Variants in ACHE observed in about 807,000 individuals in gnomAD.
The protein encoded by ACHE is acetylcholinesterase (Yt blood group).
Under a neutral mutation model 53.9 loss-of-function variants are expected in ACHE, and 19 were observed. The observed-to-expected ratio is 0.35, with a 90% CI of 0.25 to 0.52. The LOEUF (loss-of-function observed/expected upper bound fraction) is 0.52. Among genes scored for constraint, ACHE ranks in the 20% least tolerant of loss-of-function variants. The pLI, the probability that ACHE is intolerant of heterozygous loss-of-function variation, is 0.95. For synonymous variants in ACHE, 392 were observed against 378.1 expected, an observed-to-expected ratio of 1.04 and a Z score of -0.43; for missense variants, 605 against 849.4, an observed-to-expected ratio of 0.71 and a Z score of 3.58.
Position 100,893,744 on chromosome 7 carries a change from C to T in ACHE, c.489G>A (p.Val163=), listed in dbSNP as rs1790842423. 5.0e-6 allele frequency: 8 copies of T among 1,613,740 alleles called. No individual in the cohort carries two copies. Among genetic ancestry groups the T allele is most frequent in the Non-Finnish European group, 6.8e-6 (8 of 1,180,034 alleles). ...CCTGTACCAAGAAGCGGCCATCGTA[C>T]ACGTCCAAGGAGGAGGCCCCACTGT... is the stretch of plus-strand genomic sequence containing the variant. ...GFYSGASSLD[V]YDGRFLVQAE... The change falls in exon 2 of 5, where the codon GTG becomes GTA. Residue 163 remains valine (V), a synonymous_variant. Coordinates refer to ENST00000241069, the MANE Select transcript of ACHE (RefSeq NM_000665.5).
chr7:100,890,925 G>A, intron 4 of ACHE: 1 of 1,473,874 alleles, frequency 6.8e-7, no homozygotes, highest in South Asian at 1.4e-5. Context: ...ATTAGAGGAG[G>A]GGCCCCTGTG....
upstream of ACHE, chr7:100,896,604 G>A (rs867016997): frequency 7.5e-6 from 2 of 266,714 alleles, no homozygotes; most frequent in Non-Finnish European, 1.6e-5. Flanking sequence ...GGGCGAGGCC[G>A]CACTCCGCGG....
Position 100,894,015 on chromosome 7 carries a change from A to G in ACHE, c.218T>C (p.Met73Thr), listed in dbSNP as rs1323961797. Residue 73 changes from methionine to threonine, a missense_variant, in exon 2 of 5, where the codon ATG (methionine) becomes ACG (threonine). Physicochemically the swap from Met to Thr is moderately conservative, Grantham distance 81. Coordinates refer to ENST00000241069, the MANE Select transcript of ACHE (RefSeq NM_000665.5). ...FLGIPFAEPP[M>T]GPRRFLPPEP... Reference sequence around the variant, plus strand: ...CGGTGGCAGAAAGCGACGGGGTCCCATGGGTGGCTCCGCAAAGGGGATGCC... The same window carrying G: ...CGGTGGCAGAAAGCGACGGGGTCCCGTGGGTGGCTCCGCAAAGGGGATGCC... 1 of 1,610,714 alleles carries G rather than the reference A, an allele frequency of 6.2e-7. No individual in the cohort carries two copies. The highest frequency in any genetic ancestry group is 1.7e-5 in the Admixed American group (1 of 59,306).
rs996025985 is a variant in ACHE at position 100,892,788 on chromosome 7, A to G, written c.1099T>C (p.Ser367Pro). The change falls in exon 3 of 5, where the codon TCG (serine) becomes CCG (proline). Residue 367 changes from serine (S) to proline (P), a missense_variant. This residue lies in a region of ACHE where 397 missense variants were observed against 632.5 expected (regional missense o/e 0.63). Transcript: ENST00000241069. This position sits in a 1 kb window ranked among gnomAD's most constrained non-coding sequence, Gnocchi z 5.2. ...GGGGCCCCGTAAACCAGAAAATACG[A>G]GCCCTCATCCTTCACCACACCCACC... ...VLVGVVKDEG[S>P]YFLVYGAPGF... is the part of the protein sequence containing the mutation. The G allele has an allele frequency of 6.3e-7, 1 of 1,597,338 alleles. No homozygotes were observed. The highest frequency in any genetic ancestry group is 1.3e-5 in the African/African-American group (1 of 74,786).
intron 3 of ACHE, 51 bp from the exon 4 acceptor site, chr7:100,891,389 C>T (rs773094927): frequency 4.8e-5 from 71 of 1,475,866 alleles, no homozygotes; most frequent in Non-Finnish European, 5.6e-5. Context: ...GAGGAGGTGG[C>T]CCCCAACTCC....
chr7:100,893,530 C>T lies in ACHE; in HGVS notation c.703G>A (p.Ala235Thr), dbSNP rs765718944. The stretch of plus-strand genomic sequence containing the variant: ...TGCATGCCCACCGAGGCGGCTCCCG[C>T]GCTCTCCCCAAACAGCGTCACTGAT... ...PTSVTLFGES[A>T]GAASVGMHLL... The change falls in exon 2 of 5, where the codon GCG (alanine) becomes ACG (threonine). Residue 235 changes from alanine (A) to threonine (T), a missense_variant. Physicochemically the swap from Ala to Thr is moderately conservative, Grantham distance 58. This residue lies in a region of ACHE where 397 missense variants were observed against 632.5 expected (regional missense o/e 0.63). Transcript: ENST00000241069. The T allele has an allele frequency of 1.2e-6, 2 of 1,610,134 alleles. No individual in the cohort carries two copies. Among genetic ancestry groups the T allele is most frequent in the South Asian group, 1.1e-5 (1 of 91,076 alleles).
intron 3 of ACHE, 137 bp from the exon 4 acceptor site, chr7:100,891,475 G>T (rs1003155208): frequency 3.0e-5 from 25 of 841,388 alleles, no homozygotes; most frequent in Non-Finnish European, 3.9e-5. Flanking sequence ...TTTCTCCAAT[G>T]TGCGCGGTCA....
At chr7:100,890,844 C>G (rs1489366366) in intron 4 of ACHE, 1 of 1,425,414 alleles carries the variant, frequency 7.0e-7, no homozygotes, top group African/African-American at 1.4e-5. Context: ...GTGAGTCTCT[C>G]GGTTTGAGGA....
chr7:100,893,912 T>C lies in ACHE; in HGVS notation c.321A>G (p.Leu107=). ...TCTCGGTGCCCTCAAAACCTGGGTA[T>C]AGGGTGTCCACATATTGGTAGCAGA... ...QSVCYQYVDT[L]YPGFEGTEMW... is the part of the protein sequence containing the mutation. Residue 107 remains leucine, a synonymous_variant, in exon 2 of 5, where the codon CTA becomes CTG. Transcript: ENST00000241069. 6.3e-7 allele frequency: 1 copy of C among 1,598,952 alleles called. No individual in the cohort carries two copies. The highest frequency in any genetic ancestry group is 8.5e-7 in the Non-Finnish European group (1 of 1,170,538).
intron 4 of ACHE, 135 bp downstream of exon 4, chr7:100,891,034 C>G (rs1373378468): frequency 6.9e-7 from 1 of 1,457,536 alleles, no homozygotes; most frequent in South Asian, 1.4e-5. Context: ...GAGGCCGGGC[C>G]TCGGAGCAGC....
At chr7:100,894,927 C>A (rs905403406) in intron 1 of ACHE, among the ~76,000 whole-genome samples, 4 of 152,146 alleles carry the variant, frequency 2.6e-5, no homozygotes, top group Non-Finnish European at 5.9e-5. Context: ...GAGAGCCCCC[C>A]ATCCGTCTGA....
chr7:100,892,957 G>A lies in ACHE; in HGVS notation c.1069-139C>T. 5 of 1,271,750 alleles carry A rather than the reference G, an allele frequency of 3.9e-6. No individual in the cohort carries two copies. The highest frequency in any genetic ancestry group is 5.3e-6 in the Non-Finnish European group (5 of 943,798). The allele number at this position is 1,271,750 out of a possible 1,614,324, so 78.8% of individuals were successfully genotyped here. On this transcript the variant is annotated intron_variant, in intron 2 of 4. Coordinates refer to ENST00000241069, the MANE Select transcript of ACHE (RefSeq NM_000665.5). The surrounding 1 kb of genome is among the most constrained non-coding windows in gnomAD (Gnocchi z 5.2). ...CATGGACAGAGAGAGGACGAGATCA[G>A]GGGAGGGATGCAGAGAAAGAGAAAA...
intron 1 of ACHE, 158 bp from the exon 2 acceptor site, chr7:100,894,410 G>C: frequency 2.0e-6 from 1 of 494,168 alleles, no homozygotes; most frequent in South Asian, 4.2e-5. Context: ...GAAGGAGACA[G>C]GCAGAGACAA....
At position 100,895,035 on chromosome 7, in the gene ACHE, G is replaced by A. The variant is rs111372779; in HGVS notation, c.-21+767C>T. 6.8e-4 allele frequency among the ~76,000 whole-genome samples: 104 copies of A among 152,286 alleles called. 1 individual carries two copies. Among genetic ancestry groups the A allele is most frequent in the African/African-American group, 2.4e-3 (98 of 41,580 alleles). On this transcript the variant is annotated intron_variant, in intron 1 of 4. Coordinates refer to ENST00000241069, the MANE Select transcript of ACHE (RefSeq NM_000665.5). ...CAGGAGCCGGGAACTTGGGGAGGGGGCCTGGGGGCTCGAGGGCCTTGCAGA... is the reference window on the plus strand; with the variant it reads ...CAGGAGCCGGGAACTTGGGGAGGGGACCTGGGGGCTCGAGGGCCTTGCAGA...
chr7:100,895,062 C>A (rs895078492), intron 1 of ACHE, among the ~76,000 whole-genome samples: 4 of 151,996 alleles, frequency 2.6e-5, no homozygotes, highest in African/African-American at 9.7e-5. Context: ...CCTTGCAGAG[C>A]CGCCTGAAGG....
chr7:100,892,609 C>T lies in ACHE; in HGVS notation c.1278G>A (p.Arg426=). ...CGCCCACCACATCGCTCAGGGCCTC[C>T]CTCAGGCGTGCCGGGTCCTCGGGAT... ...WLHPEDPARL[R]EALSDVVGDH... The change falls in exon 3 of 5, where the codon AGG becomes AGA. Residue 426 remains arginine, a synonymous_variant. Transcript: ENST00000241069. This position sits in a 1 kb window ranked among gnomAD's most constrained non-coding sequence, Gnocchi z 5.2. The T allele has an allele frequency of 6.2e-7, 1 of 1,613,450 alleles. No individual in the cohort carries two copies. Among genetic ancestry groups the T allele is most frequent in the Non-Finnish European group, 8.5e-7 (1 of 1,179,934 alleles).
At chr7:100,890,914 C>T (rs1239548911) in intron 4 of ACHE, 4 of 1,476,622 alleles carry the variant, frequency 2.7e-6, no homozygotes, top group East Asian at 4.7e-5. Context: ...TCCGACCACT[C>T]ATTAGAGGAG....
At chr7:100,890,367 G>A (rs1438021102) in intron 4 of ACHE, 32 bp from the exon 5 acceptor site, 3 of 1,594,136 alleles carry the variant, frequency 1.9e-6, no homozygotes, top group Admixed American at 1.8e-5. Flanking sequence ...AGGCGGGAGG[G>A]GAGGACGGCA....
In ACHE at chr7:100,893,953, T is replaced by C. The variant is rs1390459513; in HGVS notation, c.280A>G (p.Thr94Ala). The change falls in exon 2 of 5, where the codon ACA becomes GCA. Residue 94 changes from threonine to alanine, a missense_variant. Thr to Ala is a moderately conservative substitution (Grantham distance 58). Transcript: ENST00000241069. ...TGGTAGCAGACACTCTGGAAGGTTG[T>C]AGCGTCTACCACCCCTGACCAAGGC... is the stretch of plus-strand genomic sequence containing the variant. ...KQPWSGVVDA[T>A]TFQSVCYQYV... 4.3e-6 allele frequency: 7 copies of C among 1,609,712 alleles called. No individual in the cohort carries two copies. Among genetic ancestry groups the C allele is most frequent in the Non-Finnish European group, 5.9e-6 (7 of 1,177,782 alleles).
Sources: allele counts gnomAD v4.1 joint callset (sites outside exome capture counted in the v4.1 genomes callset), GRCh38; gene constraint gnomAD v4.1.1; regional missense constraint gnomAD v4.1.1; non-coding constraint Gnocchi (gnomAD v3.1); transcripts MANE v1.5; gene names NCBI Gene and HGNC (gene_info 2026-07-23, HGNC 2026-07-21).